KCND2: variants seen among roughly 807,000 people sequenced by gnomAD.
The protein encoded by KCND2 is potassium voltage-gated channel subfamily D member 2, also known as A-type voltage-gated potassium channel KCND2.
A neutral mutation model predicts 54.4 loss-of-function variants in KCND2; 16 were observed. The ratio of observed to expected loss-of-function variants is 0.29; its 90% CI spans 0.20 to 0.45. The LOEUF is 0.45. Among genes scored for constraint, KCND2 ranks in the 20% least tolerant of loss-of-function variants. KCND2 has a pLI of 1.00. For missense variants in KCND2, 486 were observed against 824.2 expected (o/e 0.59, Z 5.02); for synonymous variants, 317 against 310.7 (o/e 1.02, Z -0.21).
chr7:120,638,892 T>A (rs1021878723), intron 1 of KCND2, among the ~76,000 whole-genome samples: 4 of 152,090 alleles, frequency 2.6e-5, no homozygotes, highest in African/African-American at 9.7e-5. Flanking sequence ...GTGGGATATA[T>A]GTGGTGTGTG....
chr7:120,604,989 A>G (rs1014385781), intron 1 of KCND2, among the ~76,000 whole-genome samples: 4 of 152,174 alleles, frequency 2.6e-5, no homozygotes, highest in Non-Finnish European at 4.4e-5. Flanking sequence ...TAAACAGTGC[A>G]TTTTTATTGT....
At chr7:120,709,729 C>A (rs1055032333) in intron 1 of KCND2, among the ~76,000 whole-genome samples, 1 of 152,110 alleles carries the variant, frequency 6.6e-6, no homozygotes, top group African/African-American at 2.4e-5. Context: ...GAAAGTGTGG[C>A]TTTTCAGGGC....
At position 120,348,169 on chromosome 7, in the gene KCND2, G is replaced by A. The variant is rs573567789; in HGVS notation, c.1115+72422G>A. On this transcript the variant is annotated intron_variant, in intron 1 of 5. Coordinates refer to ENST00000331113, the MANE Select transcript of KCND2 (RefSeq NM_012281.3). The stretch of plus-strand genomic sequence containing the variant: ...ATATAAACAGGGAATCATCAGATAC[G>A]CTATAATGCTATCTCTTTGATTCCA... Among the ~76,000 whole-genome samples the A allele has an allele frequency of 1.3e-3, 205 of 152,134 alleles. 2 individuals carry two copies. Among genetic ancestry groups the A allele is most frequent in the Non-Finnish European group, 2.0e-3 (138 of 68,024 alleles).
In KCND2 at chr7:120,747,715, G is replaced by C; in HGVS notation, c.1750G>C (p.Val584Leu). The part of the protein sequence containing the change: ...SSLNAKMEEC[V>L]KLNCEQPYVT... ...TTTAAATGCCAAAATGGAAGAGTGT[G>C]TTAAACTAAACTGTGAACAACCTTA... The change falls in exon 6 of 6, where the codon GTT becomes CTT. Residue 584 changes from valine to leucine, a missense_variant. Physicochemically the swap from Val to Leu is conservative, Grantham distance 32. Around this residue, in one of 7 missense-constraint regions of KCND2, gnomAD observed 202 missense variants for 252.7 expected, o/e 0.80. Transcript: ENST00000331113. The C allele has an allele frequency of 6.2e-7, 1 of 1,612,598 alleles. No homozygotes were observed. Among genetic ancestry groups the C allele is most frequent in the Non-Finnish European group, 8.5e-7 (1 of 1,178,994 alleles).
At chr7:120,459,567 A>G (rs879856020) in intron 1 of KCND2, among the ~76,000 whole-genome samples, 5 of 152,126 alleles carry the variant, frequency 3.3e-5, no homozygotes, top group Non-Finnish European at 5.9e-5. Flanking sequence ...TTAACATGTA[A>G]GATCAATGAA....
chr7:120,528,462 T>C (rs926545181), intron 1 of KCND2, among the ~76,000 whole-genome samples: 1 of 152,174 alleles, frequency 6.6e-6, no homozygotes, highest in African/African-American at 2.4e-5. Context: ...AGGTACACTT[T>C]GCATAACATA....
At chr7:120,352,257 A>C (rs958480586) in intron 1 of KCND2, among the ~76,000 whole-genome samples, 1 of 152,008 alleles carries the variant, frequency 6.6e-6, no homozygotes, top group African/African-American at 2.4e-5. Context: ...TTTCTGTAAC[A>C]GTGGTCATTA....
At chr7:120,651,800 T>C (rs181589395) in intron 1 of KCND2, among the ~76,000 whole-genome samples, 1 of 152,332 alleles carries the variant, frequency 6.6e-6, no homozygotes, top group East Asian at 1.9e-4. Context: ...TAAAGAATAT[T>C]AATCAAGTCA....
intron 1 of KCND2, among the ~76,000 whole-genome samples, chr7:120,317,424 A>C (rs1420444297): frequency 6.6e-6 from 1 of 152,142 alleles, no homozygotes; most frequent in Admixed American, 6.6e-5. Context: ...TTGTGTCTTT[A>C]ATTATTAATT....
At chr7:120,507,631 A>G (rs138260376) in intron 1 of KCND2, among the ~76,000 whole-genome samples, 106 of 152,022 alleles carry the variant, frequency 7.0e-4, no homozygotes, top group African/African-American at 2.5e-3. Context: ...ATATGAGGTG[A>G]CCTTAAGAAG....
chr7:120,631,242 C>T (rs1357155446), intron 1 of KCND2, among the ~76,000 whole-genome samples: 1 of 151,756 alleles, frequency 6.6e-6, no homozygotes, highest in Non-Finnish European at 1.5e-5. Context: ...TCTGAGATGC[C>T]ATTGTACTTG....
chr7:120,358,511 T>G (rs1800540949), intron 1 of KCND2, among the ~76,000 whole-genome samples: 1 of 152,148 alleles, frequency 6.6e-6, no homozygotes, highest in Non-Finnish European at 1.5e-5. Context: ...GTTTCCTTTT[T>G]TTTTGTCTAA....
At chr7:120,647,046 C>A (rs1793450863) in intron 1 of KCND2, among the ~76,000 whole-genome samples, 1 of 152,150 alleles carries the variant, frequency 6.6e-6, no homozygotes, top group East Asian at 1.9e-4. Flanking sequence ...TTTCTTTTAC[C>A]TGAAATATCA....
chr7:120,441,322 A>AT (rs1417827335), intron 1 of KCND2, among the ~76,000 whole-genome samples: 2 of 152,060 alleles, frequency 1.3e-5, no homozygotes, highest in African/African-American at 4.8e-5. Context: ...TTAGTATGAA[A>AT]TTTTTTAGAG....
chr7:120,446,327 G>C (rs1802018152), intron 1 of KCND2, among the ~76,000 whole-genome samples: 1 of 152,164 alleles, frequency 6.6e-6, no homozygotes, highest in African/African-American at 2.4e-5. Flanking sequence ...TAAGGGCACA[G>C]ATGAATTTGA....
chr7:120,703,190 A>G (rs961235021), intron 1 of KCND2, among the ~76,000 whole-genome samples: 3 of 152,168 alleles, frequency 2.0e-5, no homozygotes, highest in Admixed American at 2.0e-4. Flanking sequence ...ACACACGCCA[A>G]TTTTCACTGG....
At chr7:120,711,181 T>C (rs1792532701) in intron 1 of KCND2, among the ~76,000 whole-genome samples, 1 of 152,088 alleles carries the variant, frequency 6.6e-6, no homozygotes, top group Non-Finnish European at 1.5e-5. Context: ...ACAAATTAGA[T>C]TTATGAATTG....
chr7:120,621,425 C>T (rs574973056), intron 1 of KCND2, among the ~76,000 whole-genome samples: 6 of 151,730 alleles, frequency 4.0e-5, no homozygotes, highest in Non-Finnish European at 8.8e-5. Flanking sequence ...AATTTTTGCA[C>T]TGTGCCCATG....
intron 1 of KCND2, among the ~76,000 whole-genome samples, chr7:120,482,885 A>G (rs955293414): frequency 1.3e-5 from 2 of 152,222 alleles, no homozygotes; most frequent in African/African-American, 4.8e-5. Flanking sequence ...TGAAAACAAT[A>G]ATAAATTGCT....
Sources: allele counts gnomAD v4.1 joint callset (sites outside exome capture counted in the v4.1 genomes callset), GRCh38; gene constraint gnomAD v4.1.1; regional missense constraint gnomAD v4.1.1; transcripts MANE v1.5; gene names NCBI Gene and HGNC (gene_info 2026-07-23, HGNC 2026-07-21).